CCDC3: variants seen among roughly 807,000 people sequenced by gnomAD.
The protein encoded by CCDC3 is coiled-coil domain-containing protein 3.
CCDC3 carries 24 observed loss-of-function variants against 21.4 expected under a neutral mutation model. The observed-to-expected ratio is 1.12, with a 90% CI of 0.81 to 1.58. CCDC3 has a LOEUF of 1.58. Ranked by LOEUF, CCDC3 falls within the 40% of genes most tolerant of loss-of-function variation. CCDC3 has a pLI of 0.00. For synonymous variants in CCDC3, 186 were observed against 166.0 expected (o/e 1.12, Z -0.93); for missense variants, 425 against 360.9 (o/e 1.18, Z -1.44).
intron 2 of CCDC3, among the ~76,000 whole-genome samples, chr10:12,903,206 A>G (rs940124521): frequency 6.6e-6 from 1 of 152,192 alleles, no homozygotes; most frequent in Admixed American, 6.5e-5. Flanking sequence ...TGTCATGTGA[A>G]TTGAGGCTAA....
intron 5 of CCDC3, among the ~76,000 whole-genome samples, chr10:13,014,324 C>A (rs1014235030): frequency 6.6e-5 from 10 of 151,334 alleles, no homozygotes; most frequent in African/African-American, 2.2e-4. Context: ...GTGGCAGGCA[C>A]CTGTAATCCC....
chr10:12,955,194 T>C (rs1355415760), intron 2 of CCDC3, among the ~76,000 whole-genome samples: 1 of 152,230 alleles, frequency 6.6e-6, no homozygotes, highest in African/African-American at 2.4e-5. Context: ...CACAAAATTG[T>C]TTACTTCCAT....
At chr10:13,039,437 G>GAAAAAAATCCA (rs1836420966) in intron 5 of CCDC3, among the ~76,000 whole-genome samples, 1 of 150,898 alleles carries the variant, frequency 6.6e-6, no homozygotes, top group Admixed American at 6.6e-5. Context: ...AAAAAAAAAG[G>GAAAAAAATCCA]TACTTCCAGA....
chr10:12,955,931 C>T (rs1220470555), intron 2 of CCDC3, among the ~76,000 whole-genome samples: 7 of 152,086 alleles, frequency 4.6e-5, no homozygotes, highest in East Asian at 1.9e-4. Flanking sequence ...TGGCCTCAAA[C>T]GCCTGACCTC....
At chr10:12,961,229 C>G (rs1020375631) in intron 2 of CCDC3, among the ~76,000 whole-genome samples, 2 of 152,196 alleles carry the variant, frequency 1.3e-5, no homozygotes, top group African/African-American at 4.8e-5. Flanking sequence ...GTCTCCTCAT[C>G]TGTGAGATGA....
intron 2 of CCDC3, among the ~76,000 whole-genome samples, chr10:12,980,162 G>A (rs761215654): frequency 6.6e-6 from 1 of 152,182 alleles, no homozygotes; most frequent in Non-Finnish European, 1.5e-5. Context: ...AAGTACGTCG[G>A]GTGATCTCTG....
intron 2 of CCDC3, among the ~76,000 whole-genome samples, chr10:12,949,264 G>A (rs1302510765): frequency 6.6e-6 from 1 of 152,148 alleles, no homozygotes; most frequent in African/African-American, 2.4e-5. Flanking sequence ...CTTGAACCGG[G>A]TGTGGCCACA....
chr10:13,010,859 A>C (rs1282622155), intron 5 of CCDC3, among the ~76,000 whole-genome samples: 1 of 152,196 alleles, frequency 6.6e-6, no homozygotes, highest in Non-Finnish European at 1.5e-5. Flanking sequence ...CTACCAATTC[A>C]TTTGCTCTCA....
chr10:12,913,296 A>G (rs1834298658), intron 2 of CCDC3, among the ~76,000 whole-genome samples: 1 of 152,190 alleles, frequency 6.6e-6, no homozygotes, highest in South Asian at 2.1e-4. Context: ...CAGTGGTTTC[A>G]CCATTTTGGT....
Position 13,090,292 on chromosome 10 carries a change from T to C in CCDC3, c.-503+8233A>G, listed in dbSNP as rs143319290. Reference sequence around the variant, plus strand: ...TTTTAGGAGAGACAAGGTTTCACCATGTTGGCCAGATTGTCTTGATCTCCT... The same window carrying C: ...TTTTAGGAGAGACAAGGTTTCACCACGTTGGCCAGATTGTCTTGATCTCCT... On this transcript the variant is annotated intron_variant, in intron 3 of 6. Transcript: ENST00000378839. Among the ~76,000 whole-genome samples the C allele has an allele frequency of 3.1e-3, 466 of 152,146 alleles. 3 individuals are homozygous for C. The highest frequency in any genetic ancestry group is 0.011 in the African/African-American group (437 of 41,496).
chr10:13,068,401 T>G (rs984682293), intron 4 of CCDC3, among the ~76,000 whole-genome samples: 2 of 152,104 alleles, frequency 1.3e-5, no homozygotes, highest in African/African-American at 4.8e-5. Context: ...GATAAGCACT[T>G]GAATCAAATA....
chr10:12,948,479 ACAC>A (rs1250207033), intron 2 of CCDC3, among the ~76,000 whole-genome samples: 4 of 151,832 alleles, frequency 2.6e-5, no homozygotes, highest in African/African-American at 7.3e-5. Flanking sequence ...ACACACACAC[ACAC>A]ACACACACAC....
intron 2 of CCDC3, among the ~76,000 whole-genome samples, chr10:12,963,922 G>A (rs760353196): frequency 2.2e-4 from 33 of 152,200 alleles, no homozygotes; most frequent in South Asian, 6.2e-4. Context: ...TCTTTCACAT[G>A]GCCATTACTT....
At chr10:12,986,020 C>T (rs566562918) in intron 2 of CCDC3, among the ~76,000 whole-genome samples, 4 of 152,166 alleles carry the variant, frequency 2.6e-5, no homozygotes, top group African/African-American at 9.7e-5. Context: ...GGACTACAGG[C>T]GCCCGCCACC....
At chr10:13,011,745 C>A (rs991562690) in intron 5 of CCDC3, among the ~76,000 whole-genome samples, 2 of 152,106 alleles carry the variant, frequency 1.3e-5, no homozygotes, top group African/African-American at 4.8e-5. Context: ...ATAACCAAGG[C>A]AATCCTAAGC....
In CCDC3 at chr10:12,994,135, C is replaced by T. The variant is rs138498971; in HGVS notation, c.549+4203G>A. On this transcript the variant is annotated intron_variant, in intron 2 of 2. Coordinates refer to ENST00000378825, the MANE Select transcript of CCDC3 (RefSeq NM_031455.4). The stretch of plus-strand genomic sequence containing the variant: ...TCTAGAGGTGGGGCATGGTGGCTCA[C>T]GCCTGTAATCCCAGAACTTTGGGAG... 6.8e-4 allele frequency among the ~76,000 whole-genome samples: 103 copies of T among 152,194 alleles called. 1 individual carries two copies. The highest frequency in any genetic ancestry group is 2.3e-3 in the African/African-American group (97 of 41,526).
intron 5 of CCDC3, among the ~76,000 whole-genome samples, chr10:13,034,217 T>C (rs553566012): frequency 1.3e-4 from 20 of 152,074 alleles, no homozygotes; most frequent in African/African-American, 4.6e-4. Flanking sequence ...CTGGAAACCA[T>C]CATTCTCAGC....
At chr10:13,010,167 GA>G (rs1448698049) in intron 5 of CCDC3, among the ~76,000 whole-genome samples, 3 of 152,134 alleles carry the variant, frequency 2.0e-5, no homozygotes, top group African/African-American at 7.2e-5. Flanking sequence ...AGAATCGCTT[GA>G]ACCTGGGAGG....
intron 2 of CCDC3, among the ~76,000 whole-genome samples, chr10:12,925,940 A>G (rs1384975084): frequency 6.6e-6 from 1 of 152,280 alleles, no homozygotes; most frequent in Non-Finnish European, 1.5e-5. Context: ...GGTTTGGCAC[A>G]GGCCCTGGGA....
Sources: allele counts gnomAD v4.1 joint callset (sites outside exome capture counted in the v4.1 genomes callset), GRCh38; gene constraint gnomAD v4.1.1; transcripts MANE v1.5; gene names NCBI Gene and HGNC (gene_info 2026-07-23, HGNC 2026-07-21).